EBAG9: variants seen among roughly 807,000 people sequenced by gnomAD.
EBAG9 encodes the protein estrogen receptor binding site associated antigen 9.
Under a neutral mutation model 30.9 loss-of-function variants are expected in EBAG9, and 16 were observed. The observed-to-expected ratio is 0.52, with a 90% confidence interval of 0.35 to 0.79. The LOEUF (loss-of-function observed/expected upper bound fraction) is 0.79, where lower values mean the gene tolerates loss of function less well. Among genes scored for constraint, EBAG9 ranks in the 30% least tolerant of loss-of-function variants. EBAG9 has a pLI of 0.01. For missense variants in EBAG9, 197 were observed against 242.1 expected, an observed-to-expected ratio of 0.81 and a Z score of 1.24; for synonymous variants, 93 against 82.8, an observed-to-expected ratio of 1.12 and a Z score of -0.67.
At chr8:109,560,718 C>A in intron 5 of EBAG9, 120 bp from the exon 6 acceptor site, 1 of 693,638 alleles carries the variant, frequency 1.4e-6, no homozygotes, top group Non-Finnish European at 2.4e-6. Context: ...GGTAAGGAAG[C>A]TGAGAAGACA....
At chr8:109,561,651 A>G (rs1198917430) in intron 6 of EBAG9, among the ~76,000 whole-genome samples, 1 of 151,644 alleles carries the variant, frequency 6.6e-6, no homozygotes, top group Non-Finnish European at 1.5e-5. Context: ...TAAATTGTGT[A>G]GTAAGATACA....
chr8:109,539,856 T>C (rs920424548), upstream of EBAG9: 1 of 151,806 alleles, frequency 6.6e-6, no homozygotes, highest in African/African-American at 2.4e-5. Context: ...GCGCGCCTTG[T>C]GTGCGCGCGC....
chr8:109,562,204 T>C, intron 6 of EBAG9, among the ~76,000 whole-genome samples: 1 of 152,144 alleles, frequency 6.6e-6, no homozygotes, highest in Non-Finnish European at 1.5e-5. Flanking sequence ...GGAAGGGGTC[T>C]GTCCTTTTTA....
chr8:109,557,532 C>A (rs1046977983), intron 5 of EBAG9, among the ~76,000 whole-genome samples: 1 of 152,126 alleles, frequency 6.6e-6, no homozygotes, highest in Non-Finnish European at 1.5e-5. Flanking sequence ...TTTTTAAAAG[C>A]ACAAATGTCC....
At chr8:109,543,055 G>A (rs535645513) in intron 1 of EBAG9, among the ~76,000 whole-genome samples, 7 of 146,946 alleles carry the variant, frequency 4.8e-5, no homozygotes, top group Admixed American at 2.7e-4. Context: ...TGCATGATTT[G>A]AACTTGAGTA....
chr8:109,559,306 G>A (rs1821665593), intron 5 of EBAG9, among the ~76,000 whole-genome samples: 1 of 151,846 alleles, frequency 6.6e-6, no homozygotes, highest in Non-Finnish European at 1.5e-5. Flanking sequence ...AAATTAAAAA[G>A]TTAGCTGGGT....
intron 1 of EBAG9, among the ~76,000 whole-genome samples, chr8:109,543,784 AC>A (rs1408728191): frequency 2.0e-5 from 3 of 152,192 alleles, no homozygotes; most frequent in Non-Finnish European, 2.9e-5. Flanking sequence ...TAATCCCAGC[AC>A]TTTGGGAGGC....
At chr8:109,553,839 A>T in intron 2 of EBAG9, 26 bp from the exon 3 acceptor site, 1 of 1,585,786 alleles carries the variant, frequency 6.3e-7, no homozygotes. Context: ...TGGTTCTTGA[A>T]ATAAATTATT....
chr8:109,564,846 C>G lies in EBAG9; in HGVS notation c.*287C>G. On this transcript the variant is annotated 3_prime_UTR_variant, in exon 7 of 7. Coordinates refer to ENST00000337573, the MANE Select transcript of EBAG9 (RefSeq NM_004215.5). ...ACAAATGGAATATATCAGTACCTCT[C>G]AAGCTAGTGTTTCTAGCTAAATAAA... The G allele has an allele frequency of 4.5e-6, 1 of 220,652 alleles. No individual in the cohort carries two copies. The highest frequency in any genetic ancestry group is 1.5e-3 in the Middle Eastern group (1 of 648). The allele number at this position is 220,652 out of a possible 1,614,324, so 13.7% of individuals were successfully genotyped here.
chr8:109,563,915 G>A (rs1384601487), intron 6 of EBAG9, among the ~76,000 whole-genome samples: 1 of 152,010 alleles, frequency 6.6e-6, no homozygotes, highest in Non-Finnish European at 1.5e-5. Context: ...TTTACTTGGT[G>A]GAAGGTGTAT....
intron 5 of EBAG9, among the ~76,000 whole-genome samples, chr8:109,560,429 A>T (rs1821687231): frequency 6.6e-6 from 1 of 152,232 alleles, no homozygotes; most frequent in Admixed American, 6.5e-5. Context: ...CTCAGCACAG[A>T]TTAGTCCAGT....
At position 109,542,098 on chromosome 8, in the gene EBAG9, A is replaced by G. The variant is rs535028566; in HGVS notation, c.-16+1637A>G. On this transcript the variant is annotated intron_variant, in intron 1 of 6. Transcript: ENST00000337573. ...AAACAAGGACAATAGTATCTATGTCATAAGATGGCTTTTTGAGTTGTGTGT... is the reference window on the plus strand; with the variant it reads ...AAACAAGGACAATAGTATCTATGTCGTAAGATGGCTTTTTGAGTTGTGTGT... Among the ~76,000 whole-genome samples, 5 of 152,330 alleles carry G rather than the reference A, an allele frequency of 3.3e-5. No homozygotes were observed. The South Asian group carries it at 6.2e-4, about 19-fold the overall frequency.
rs180722065 is a variant in EBAG9 at position 109,565,299 on chromosome 8, A to G, written c.*740A>G. On this transcript the variant is annotated 3_prime_UTR_variant, in exon 7 of 7. Coordinates refer to ENST00000337573, the MANE Select transcript of EBAG9 (RefSeq NM_004215.5). The stretch of plus-strand genomic sequence containing the variant: ...CTTGTGAGTTTCAAGAACTAGTATT[A>G]GTAGTTTTTTCCTTTCATTATAGAT... 2.6e-5 allele frequency: 4 copies of G among 152,518 alleles called. No individual in the cohort carries two copies. Among genetic ancestry groups the G allele is most frequent in the Admixed American group, 6.6e-5 (1 of 15,264 alleles). The allele number at this position is 152,518 out of a possible 1,614,324, so 9.4% of individuals were successfully genotyped here. A position where few individuals can be genotyped will look rare whatever the true frequency, so the allele number is the denominator to read the frequency against.
At chr8:109,546,944 T>TA (rs1410908318) in intron 1 of EBAG9, among the ~76,000 whole-genome samples, 3 of 152,346 alleles carry the variant, frequency 2.0e-5, no homozygotes, top group African/African-American at 7.2e-5. Flanking sequence ...CACCTGTTGA[T>TA]ATACATTTGT....
intron 5 of EBAG9, among the ~76,000 whole-genome samples, chr8:109,560,096 A>T (rs766023154): frequency 6.6e-6 from 1 of 152,202 alleles, no homozygotes; most frequent in Non-Finnish European, 1.5e-5. Context: ...ACAGATTGGT[A>T]CCAGTTATTT....
chr8:109,561,675 T>C (rs1014966284), intron 6 of EBAG9, among the ~76,000 whole-genome samples: 13 of 152,196 alleles, frequency 8.5e-5, no homozygotes, highest in Admixed American at 7.2e-4. Flanking sequence ...ATATAAATTT[T>C]TTTATTTTAA....
At chr8:109,540,877 A>C (rs182002810) in intron 1 of EBAG9, among the ~76,000 whole-genome samples, 2 of 152,352 alleles carry the variant, frequency 1.3e-5, no homozygotes, top group Admixed American at 1.3e-4. Context: ...TTAGAAATAC[A>C]GCACCTGTTT....
intron 1 of EBAG9, among the ~76,000 whole-genome samples, chr8:109,548,642 T>G (rs754238645): frequency 1.3e-5 from 2 of 152,116 alleles, no homozygotes; most frequent in Non-Finnish European, 2.9e-5. Context: ...ATAGGCCTTT[T>G]AACTGTCTCA....
At chr8:109,562,426 TAGGTAGAGCCAAAG>T in intron 6 of EBAG9, among the ~76,000 whole-genome samples, 1 of 152,164 alleles carries the variant, frequency 6.6e-6, no homozygotes, top group East Asian at 1.9e-4. Flanking sequence ...CGCAAGTACA[TAGGTAGAGCCAAAG>T]AGAAATGGAG....
Sources: gnomAD v4.1 joint callset for allele counts (sites outside exome capture counted in the v4.1 genomes callset) on GRCh38, gnomAD v4.1.1 for gene constraint, MANE v1.5 for transcripts, NCBI Gene and HGNC (gene_info 2026-07-23, HGNC 2026-07-21) for gene names.